Variants in KANK1 observed in about 807,000 individuals in gnomAD.
KANK1 encodes the protein KN motif and ankyrin repeat domains 1.
In KANK1, 109 loss-of-function variants were observed where a neutral mutation model predicts 106.2. That is an observed-to-expected ratio of 1.03 (90% CI 0.88 to 1.20). The LOEUF (loss-of-function observed/expected upper bound fraction) is 1.20. KANK1 is among the 50% of genes most tolerant of loss of function. The pLI, the probability that KANK1 is intolerant of heterozygous loss-of-function variation, is 0.00. For missense variants in KANK1, 2,399 were observed against 1,710.7 expected (o/e 1.40, Z -7.10); for synonymous variants, 873 against 652.2 (o/e 1.34, Z -5.16).
chr9:668,992 G>C (rs7048351), intron 1 of KANK1, among the ~76,000 whole-genome samples: 136,467 of 152,128 alleles, frequency 0.9, 61,362 homozygotes, highest in East Asian at 0.97. Context: ...CCTAACATGC[G>C]ACGGACCAGT....
chr9:732,326 T>G, intron 5 of KANK1, 52 bp from the exon 6 acceptor site: 3 of 1,559,070 alleles, frequency 1.9e-6, no homozygotes, highest in Non-Finnish European at 2.6e-6. Context: ...TTTCTATCAC[T>G]GGGTCTTCGT....
chr9:597,416 AAGT>A lies in KANK1; in HGVS notation c.-83-79469_-83-79467del, dbSNP rs978246421. 9.2e-5 allele frequency among the ~76,000 whole-genome samples: 14 copies of A among 151,896 alleles called. No homozygotes were observed. The East Asian group carries it at 2.7e-3, about 29-fold the overall frequency. On this transcript the variant is annotated intron_variant, in intron 1 of 11. Transcript: ENST00000382297. ...AATTATAGTCGTCCTTGTGGGTATA[AAGT>A]AGTATTTTATTATGGTTTTGATTTA... is the stretch of plus-strand genomic sequence containing the variant.
At chr9:673,305 G>C (rs989490589) in intron 1 of KANK1, among the ~76,000 whole-genome samples, 1 of 141,756 alleles carries the variant, frequency 7.1e-6, no homozygotes, top group Non-Finnish European at 1.5e-5. Flanking sequence ...CTGCCTCCCT[G>C]TTCAAGTGAT....
At chr9:623,629 A>G (rs1833697032) in intron 1 of KANK1, among the ~76,000 whole-genome samples, 1 of 152,194 alleles carries the variant, frequency 6.6e-6, no homozygotes, top group Non-Finnish European at 1.5e-5. Context: ...AAAAGAAAAA[A>G]AAAAGAAAAA....
chr9:677,016 C>T lies in KANK1; in HGVS notation c.37+7C>T. On this transcript the variant is annotated splice_region_variant and intron_variant, in intron 2 of 11. Coordinates refer to ENST00000382297, the MANE Select transcript of KANK1 (RefSeq NM_015158.5). ...GTTAACGGCAGTGCCTCAGGTAACC[C>T]TGTGCTCTGGAGTTTGTGTGTTAAA... 6.2e-7 allele frequency: 1 copy of T among 1,612,788 alleles called. No homozygotes were observed. The highest frequency in any genetic ancestry group is 8.5e-7 in the Non-Finnish European group (1 of 1,178,980).
intron 1 of KANK1, among the ~76,000 whole-genome samples, chr9:564,675 G>C (rs1287120274): frequency 6.6e-6 from 1 of 152,044 alleles, no homozygotes; most frequent in Non-Finnish European, 1.5e-5. Flanking sequence ...ATCTGAGCAT[G>C]CGCTCAGCTC....
intron 1 of KANK1, among the ~76,000 whole-genome samples, chr9:566,158 C>G (rs973821198): frequency 6.6e-6 from 1 of 152,176 alleles, no homozygotes; most frequent in African/African-American, 2.4e-5. Context: ...TGGGTGATGG[C>G]TTCCAGCTAT....
At chr9:520,918 A>T (rs1416840241) in intron 1 of KANK1, among the ~76,000 whole-genome samples, 4 of 151,668 alleles carry the variant, frequency 2.6e-5, no homozygotes, top group African/African-American at 9.8e-5. Flanking sequence ...TGGTCAGATG[A>T]TTTTTGTTTA....
chr9:513,899 C>T (rs574704375), intron 1 of KANK1, among the ~76,000 whole-genome samples: 1 of 152,224 alleles, frequency 6.6e-6, no homozygotes, highest in East Asian at 1.9e-4. Flanking sequence ...CACCTGTAGT[C>T]CCAGCTACTT....
At chr9:652,405 C>G (rs1431149033) in intron 1 of KANK1, among the ~76,000 whole-genome samples, 1 of 152,160 alleles carries the variant, frequency 6.6e-6, no homozygotes, top group Non-Finnish European at 1.5e-5. Context: ...CACCTGTAAT[C>G]CCAGCTACTC....
intron 1 of KANK1, among the ~76,000 whole-genome samples, chr9:633,272 C>T (rs533034220): frequency 1.5e-4 from 23 of 152,102 alleles, no homozygotes; most frequent in Middle Eastern, 3.4e-3. Context: ...CCGGCTAACA[C>T]GGTGAAATCG....
chr9:666,404 A>T (rs999827352), intron 1 of KANK1, among the ~76,000 whole-genome samples: 1 of 152,162 alleles, frequency 6.6e-6, no homozygotes. Flanking sequence ...TTCAAAGCGA[A>T]TTTGACTTCT....
chr9:646,872 A>AT, intron 1 of KANK1, among the ~76,000 whole-genome samples: 1 of 148,512 alleles, frequency 6.7e-6, no homozygotes, highest in Non-Finnish European at 1.5e-5. Context: ...TTTTTTTTGT[A>AT]TTTTTAGTAG....
At position 647,162 on chromosome 9, in the gene KANK1, C is replaced by G. The variant is rs564102942; in HGVS notation, c.-83-29728C>G. Reference sequence around the variant, plus strand: ...TAATTAGAACCAAGTATAAATTTGCCATGGATTTAAGCCTTCTGTATAAGA... The same window carrying G: ...TAATTAGAACCAAGTATAAATTTGCGATGGATTTAAGCCTTCTGTATAAGA... On this transcript the variant is annotated intron_variant, in intron 1 of 11. Transcript: ENST00000382297. Among the ~76,000 whole-genome samples the G allele has an allele frequency of 5.0e-4, 76 of 151,064 alleles. 1 individual carries two copies. The highest frequency in any genetic ancestry group is 9.1e-4 in the Non-Finnish European group (62 of 68,018).
intron 2 of KANK1, among the ~76,000 whole-genome samples, chr9:686,105 TAAA>T (rs1458508610): frequency 6.6e-6 from 1 of 152,196 alleles, no homozygotes; most frequent in Non-Finnish European, 1.5e-5. Context: ...CTTAATATCT[TAAA>T]AACCCTACTC....
chr9:624,953 A>G (rs1400155296), intron 1 of KANK1, among the ~76,000 whole-genome samples: 1 of 152,204 alleles, frequency 6.6e-6, no homozygotes, highest in Admixed American at 6.5e-5. Context: ...GACTTACTTT[A>G]TGCCCTGAGC....
intron 1 of KANK1, among the ~76,000 whole-genome samples, chr9:615,491 A>G (rs1212955449): frequency 1.3e-5 from 2 of 151,916 alleles, no homozygotes; most frequent in African/African-American, 4.8e-5. Context: ...GAAGAGGGGG[A>G]ATAATGTTGT....
chr9:702,084 A>G (rs1029679236), intron 2 of KANK1, among the ~76,000 whole-genome samples: 4 of 152,140 alleles, frequency 2.6e-5, no homozygotes, highest in Non-Finnish European at 5.9e-5. Flanking sequence ...ACACAGAGGA[A>G]TTTGGTCTGA....
chr9:653,925 C>T (rs192873331), intron 1 of KANK1, among the ~76,000 whole-genome samples: 1 of 152,156 alleles, frequency 6.6e-6, no homozygotes, highest in South Asian at 2.1e-4. Flanking sequence ...CACACTAGCA[C>T]AACTGCTTTC....
Sources: allele counts gnomAD v4.1 joint callset (sites outside exome capture counted in the v4.1 genomes callset), GRCh38; gene constraint gnomAD v4.1.1; transcripts MANE v1.5; gene names NCBI Gene and HGNC (gene_info 2026-07-23, HGNC 2026-07-21).